Variants in EYA3 observed in about 807,000 individuals in gnomAD.
EYA3 encodes the protein protein phosphatase EYA3.
Under a neutral mutation model 80.0 loss-of-function variants are expected in EYA3, and 39 were observed. The ratio of observed to expected loss-of-function variants is 0.49; its 90% CI spans 0.38 to 0.64. The LOEUF (loss-of-function observed/expected upper bound fraction) is 0.64, where lower values mean the gene tolerates loss of function less well. Among genes scored for constraint, EYA3 ranks in the 30% least tolerant of loss-of-function variants. The probability of loss-of-function intolerance (pLI) is 0.00; values close to 1 mark genes in which losing one functional copy is unlikely to be tolerated. For synonymous variants in EYA3, 206 were observed against 232.8 expected, an observed-to-expected ratio of 0.88 and a Z score of 1.05; for missense variants, 523 against 676.1, an observed-to-expected ratio of 0.77 and a Z score of 2.51.
In EYA3 at chr1:28,073,110, T is replaced by TACATATAC. The variant is rs1376778097; in HGVS notation, c.-68-15017_-68-15016insGTATATGT. Among the ~76,000 whole-genome samples the TACATATAC allele has an allele frequency of 5.6e-3, 259 of 45,882 alleles. 6 individuals carry two copies. The highest frequency in any genetic ancestry group is 8.7e-3 in the Non-Finnish European group (212 of 24,306). 30.1% of individuals were successfully genotyped at this position (45,882 alleles called of 152,430 possible). On this transcript the variant is annotated intron_variant, in intron 1 of 17. Coordinates refer to ENST00000373871, the MANE Select transcript of EYA3 (RefSeq NM_001990.4). ...TTGGGATTGATGAAACTATTATATATATATATATATATATATATTTTTTTT... is the reference window on the plus strand; with the variant it reads ...TTGGGATTGATGAAACTATTATATATACATATACATATATATATATATATATTTTTTTT...
chr1:28,084,732 C>T (rs1645589770), intron 1 of EYA3, among the ~76,000 whole-genome samples: 1 of 148,644 alleles, frequency 6.7e-6, no homozygotes, highest in Non-Finnish European at 1.5e-5. Flanking sequence ...CCTCAGTCTC[C>T]CGAGTAGCTG....
intron 17 of EYA3, chr1:27,977,098 C>G: frequency 3.0e-6 from 3 of 985,398 alleles, no homozygotes; most frequent in South Asian, 9.4e-5. Flanking sequence ...TTCTCTCCCC[C>G]ATACCCTTCT....
intron 1 of EYA3, among the ~76,000 whole-genome samples, chr1:28,082,789 G>A (rs761887497): frequency 1.3e-5 from 2 of 152,066 alleles, no homozygotes; most frequent in East Asian, 3.9e-4. Flanking sequence ...AACTTCGAGG[G>A]GCCATTTTAT....
intron 16 of EYA3, among the ~76,000 whole-genome samples, chr1:27,982,786 A>G (rs1456636098): frequency 6.6e-6 from 1 of 152,086 alleles, no homozygotes; most frequent in Non-Finnish European, 1.5e-5. Flanking sequence ...GGGTTTCACC[A>G]TGTTGGCCAG....
chr1:28,058,199 C>CGTGA, intron 1 of EYA3, 105 bp from the exon 2 acceptor site: 1 of 443,898 alleles, frequency 2.3e-6, no homozygotes, highest in Non-Finnish European at 4.0e-6. Context: ...AAGCTTTCTA[C>CGTGA]GTGAGTTCCA....
At chr1:28,075,115 T>C (rs933210767) in intron 1 of EYA3, among the ~76,000 whole-genome samples, 4 of 152,194 alleles carry the variant, frequency 2.6e-5, no homozygotes, top group African/African-American at 9.7e-5. Context: ...TAGCCTTTAC[T>C]TCTTGCTTGC....
chr1:28,070,319 G>C (rs1028183913), intron 1 of EYA3, among the ~76,000 whole-genome samples: 1 of 152,056 alleles, frequency 6.6e-6, no homozygotes, highest in Admixed American at 6.6e-5. Context: ...CCAGCACTTC[G>C]GGAGGCCAAA....
chr1:28,034,083 C>T (rs896508369), intron 6 of EYA3, among the ~76,000 whole-genome samples: 4 of 150,914 alleles, frequency 2.7e-5, no homozygotes, highest in Non-Finnish European at 4.4e-5. Context: ...GACTCTGTCT[C>T]AAAATAATAA....
At position 28,009,243 on chromosome 1, in the gene EYA3, G is replaced by A. The variant is rs1490993073; in HGVS notation, c.909+1704C>T. 6.6e-6 allele frequency among the ~76,000 whole-genome samples: 1 copy of A among 152,164 alleles called. No homozygotes were observed. Among genetic ancestry groups the A allele is most frequent in the Non-Finnish European group, 1.5e-5 (1 of 68,026 alleles). On this transcript the variant is annotated intron_variant, in intron 10 of 17. Coordinates refer to ENST00000373871, the MANE Select transcript of EYA3 (RefSeq NM_001990.4). This position sits in a 1 kb window ranked among gnomAD's most constrained non-coding sequence, Gnocchi z 4.8. ...ATAGCACAAAGGTGACAAACCCCAAGTGTCCATCAACAGATGAATGGATAA... is the reference window on the plus strand; with the variant it reads ...ATAGCACAAAGGTGACAAACCCCAAATGTCCATCAACAGATGAATGGATAA...
chr1:28,038,977 C>T (rs2148854854), intron 4 of EYA3, 72 bp from the exon 5 acceptor site: 1 of 917,430 alleles, frequency 1.1e-6, no homozygotes, highest in Non-Finnish European at 1.8e-6. Context: ...AACTGCACAT[C>T]TCACTGTATA....
chr1:28,075,780 T>C (rs1176919789), intron 1 of EYA3, among the ~76,000 whole-genome samples: 1 of 152,240 alleles, frequency 6.6e-6, no homozygotes, highest in Non-Finnish European at 1.5e-5. Flanking sequence ...CTGAAACTTC[T>C]ACATATACTT....
In EYA3 at chr1:28,030,444, C is replaced by T. The variant is rs199529147; in HGVS notation, c.362-2518G>A. ...AATAGCTGGGACCACAGGCACACTACGCCTGGCTACTTTTTGTATTTTTGC... is the reference window on the plus strand; with the variant it reads ...AATAGCTGGGACCACAGGCACACTATGCCTGGCTACTTTTTGTATTTTTGC... On this transcript the variant is annotated intron_variant, in intron 6 of 17. Coordinates refer to ENST00000373871, the MANE Select transcript of EYA3 (RefSeq NM_001990.4). Among the ~76,000 whole-genome samples, 33 of 152,216 alleles carry T rather than the reference C, an allele frequency of 2.2e-4. No homozygotes were observed. In the East Asian group the frequency reaches 3.3e-3, roughly 15 times the overall value.
intron 1 of EYA3, among the ~76,000 whole-genome samples, chr1:28,086,217 T>C (rs1178602924): frequency 6.8e-6 from 1 of 146,482 alleles, no homozygotes; most frequent in African/African-American, 2.5e-5. Context: ...GTTTAAGTTG[T>C]AATTTCTTTT....
intron 5 of EYA3, 134 bp from the exon 6 acceptor site, chr1:28,035,814 T>C (rs1247932112): frequency 3.6e-6 from 3 of 831,592 alleles, no homozygotes; most frequent in Non-Finnish European, 5.6e-6. Flanking sequence ...ATGGCTCTTT[T>C]CAAAAATTTT....
chr1:27,982,892 G>A (rs565652143), intron 16 of EYA3, among the ~76,000 whole-genome samples: 4 of 152,126 alleles, frequency 2.6e-5, no homozygotes, highest in Non-Finnish European at 5.9e-5. Context: ...ATCCTTATGA[G>A]TATATGTAAT....
intron 17 of EYA3, among the ~76,000 whole-genome samples, chr1:27,977,576 C>T (rs900841871): frequency 2.0e-5 from 3 of 151,040 alleles, no homozygotes; most frequent in South Asian, 2.1e-4. Flanking sequence ...CTGGGCCAGG[C>T]GTGGTGGCTC....
intron 6 of EYA3, among the ~76,000 whole-genome samples, chr1:28,029,021 A>G (rs958720319): frequency 6.6e-6 from 1 of 152,190 alleles, no homozygotes; most frequent in African/African-American, 2.4e-5. Flanking sequence ...CCAGCCAAGG[A>G]CTGTGTTATA....
chr1:28,083,190 T>C (rs1453831364), intron 1 of EYA3, among the ~76,000 whole-genome samples: 5 of 152,220 alleles, frequency 3.3e-5, no homozygotes, highest in Non-Finnish European at 7.3e-5. Flanking sequence ...ATAACTTCTG[T>C]ACCTCAGTTT....
chr1:28,014,526 G>C (rs777977078), intron 8 of EYA3, among the ~76,000 whole-genome samples: 1 of 148,840 alleles, frequency 6.7e-6, no homozygotes, highest in South Asian at 2.2e-4. Context: ...TCAGGAGTTT[G>C]AGACCAGCCT....
Sources: allele counts gnomAD v4.1 joint callset (sites outside exome capture counted in the v4.1 genomes callset), GRCh38; gene constraint gnomAD v4.1.1; non-coding constraint Gnocchi (gnomAD v3.1); transcripts MANE v1.5; gene names NCBI Gene and HGNC (gene_info 2026-07-23, HGNC 2026-07-21).